Variants in PCDH15 observed in about 807,000 individuals in gnomAD.
PCDH15 encodes protocadherin-15.
A neutral mutation model predicts 178.5 loss-of-function variants in PCDH15; 129 were observed. That is an observed-to-expected ratio of 0.72 (90% CI 0.63 to 0.84). PCDH15 has a LOEUF of 0.84. Ranked by LOEUF, PCDH15 falls within the 40% of genes least tolerant of loss-of-function variation. The pLI is 0.00. For missense variants in PCDH15, 2,230 were observed against 2,099.9 expected, an observed-to-expected ratio of 1.06 and a Z score of -1.21; for synonymous variants, 800 against 732.0, an observed-to-expected ratio of 1.09 and a Z score of -1.50.
At chr10:55,566,249 T>G (rs993073707) in intron 2 of PCDH15, among the ~76,000 whole-genome samples, 1 of 151,596 alleles carries the variant, frequency 6.6e-6, no homozygotes, top group Non-Finnish European at 1.5e-5. Context: ...TTGGCAAAAT[T>G]TTATACCCTT....
chr10:54,873,508 T>C (rs1029569549), intron 3 of PCDH15, among the ~76,000 whole-genome samples: 6 of 147,894 alleles, frequency 4.1e-5, no homozygotes, highest in Non-Finnish European at 7.4e-5. Flanking sequence ...TGTATGTATA[T>C]ATATAATGTA....
chr10:54,075,758 A>G (rs957665738), intron 17 of PCDH15, among the ~76,000 whole-genome samples: 1 of 152,166 alleles, frequency 6.6e-6, no homozygotes, highest in African/African-American at 2.4e-5. Context: ...TATCTGACCA[A>G]TTAAGTGAAA....
intron 2 of PCDH15, among the ~76,000 whole-genome samples, chr10:55,627,110 C>T (rs1213533261): frequency 1.3e-5 from 2 of 152,000 alleles, no homozygotes; most frequent in Non-Finnish European, 2.9e-5. Flanking sequence ...TGATATCCTC[C>T]AACTTAAAAG....
In PCDH15 at chr10:54,004,594, A is replaced by G. The variant is rs145744842; in HGVS notation, c.2752-8829T>C. ...ATTAAAATAAAATACCTAGGAATTA[A>G]CCAAGGAAGTGAAAGTTCTCTGCAA... On this transcript the variant is annotated intron_variant, in intron 20 of 37. Coordinates refer to ENST00000644397, the MANE Select transcript of PCDH15 (RefSeq NM_001384140.1). Among the ~76,000 whole-genome samples the G allele has an allele frequency of 4.9e-3, 747 of 152,214 alleles. 2 individuals carry two copies. The highest frequency in any genetic ancestry group is 7.5e-3 in the Non-Finnish European group (511 of 67,982).
At chr10:55,258,348 G>A (rs2132232134) in intron 1 of PCDH15, among the ~76,000 whole-genome samples, 1 of 152,258 alleles carries the variant, frequency 6.6e-6, no homozygotes, top group African/African-American at 2.4e-5. Flanking sequence ...CTACCCTAAT[G>A]GAAGAATCAT....
At chr10:55,353,528 T>C (rs1276783220) in intron 2 of PCDH15, among the ~76,000 whole-genome samples, 2 of 152,248 alleles carry the variant, frequency 1.3e-5, no homozygotes, top group East Asian at 3.9e-4. Context: ...CTGATATTCC[T>C]ACCTTAAAGG....
chr10:55,461,039 T>C (rs7081402), intron 2 of PCDH15, among the ~76,000 whole-genome samples: 116,419 of 152,074 alleles, frequency 0.77, 45,929 homozygotes, highest in East Asian at 0.99. Context: ...CAGGCACTAT[T>C]CTCAGCCCTG....
intron 2 of PCDH15, among the ~76,000 whole-genome samples, chr10:55,420,561 G>C (rs11593895): frequency 0.2 from 30,176 of 151,444 alleles, 3,980 homozygotes; most frequent in Non-Finnish European, 0.29. Flanking sequence ...GAATCACTTT[G>C]CTATTTTGCT....
intron 1 of PCDH15, among the ~76,000 whole-genome samples, chr10:54,738,083 T>A (rs1249678114): frequency 6.6e-6 from 1 of 152,040 alleles, no homozygotes; most frequent in East Asian, 1.9e-4. Context: ...ACTCTTTGAC[T>A]TGAGCCACAT....
chr10:55,241,687 T>A (rs1186117508), intron 1 of PCDH15, among the ~76,000 whole-genome samples: 1 of 152,146 alleles, frequency 6.6e-6, no homozygotes, highest in Non-Finnish European at 1.5e-5. Flanking sequence ...CCTCCCAAAG[T>A]TCTGGGATTG....
chr10:54,826,628 T>C (rs1953136621), intron 3 of PCDH15, among the ~76,000 whole-genome samples: 1 of 151,938 alleles, frequency 6.6e-6, no homozygotes, highest in Non-Finnish European at 1.5e-5. Context: ...AAAATTGCTG[T>C]GTTGTGGTAA....
chr10:55,378,411 G>A (rs1295756156), intron 2 of PCDH15, among the ~76,000 whole-genome samples: 1 of 152,000 alleles, frequency 6.6e-6, no homozygotes, highest in Admixed American at 6.6e-5. Flanking sequence ...GGAATTTGGT[G>A]CTATTCTCAT....
intron 16 of PCDH15, 93 bp downstream of exon 16, chr10:54,089,891 A>G (rs549016520): frequency 2.1e-6 from 2 of 968,046 alleles, no homozygotes; most frequent in East Asian, 4.9e-5. Context: ...GTACAACTAC[A>G]AACAGCTGAA....
At chr10:54,533,138 C>A (rs2084106059) in intron 2 of PCDH15, among the ~76,000 whole-genome samples, 1 of 152,028 alleles carries the variant, frequency 6.6e-6, no homozygotes, top group Admixed American at 6.6e-5. Flanking sequence ...AATTTTTGGT[C>A]TTTATTTAGA....
At chr10:54,157,791 A>G (rs1166464997) in intron 13 of PCDH15, among the ~76,000 whole-genome samples, 1 of 152,200 alleles carries the variant, frequency 6.6e-6, no homozygotes, top group East Asian at 1.9e-4. Flanking sequence ...AAGACACCTC[A>G]TGAATGTTTT....
intron 20 of PCDH15, among the ~76,000 whole-genome samples, chr10:54,019,561 A>G (rs11598589): frequency 0.18 from 27,104 of 152,022 alleles, 2,876 homozygotes; most frequent in Non-Finnish European, 0.24. Context: ...TTCTTCTCAT[A>G]TCTACTTTTG....
chr10:55,545,014 T>C (rs886618779), intron 2 of PCDH15, among the ~76,000 whole-genome samples: 2 of 152,134 alleles, frequency 1.3e-5, no homozygotes, highest in Non-Finnish European at 2.9e-5. Flanking sequence ...TTATAGGTAG[T>C]ATACTTTTTT....
chr10:55,262,311 C>T (rs2132236378), intron 1 of PCDH15, among the ~76,000 whole-genome samples: 1 of 149,840 alleles, frequency 6.7e-6, no homozygotes, highest in East Asian at 2.1e-4. Context: ...TTGGTGAGGG[C>T]TTCACACCTG....
Position 54,083,536 on chromosome 10 carries a change from C to T in PCDH15, c.1998-4112G>A, listed in dbSNP as rs148691882. On this transcript the variant is annotated intron_variant, in intron 16 of 37. Transcript: ENST00000644397. ...AAAAGAAGCTAGACACAAATAGTCA[C>T]ACATTGCATGATTCCATTTCTGTAG... 5.4e-3 allele frequency among the ~76,000 whole-genome samples: 821 copies of T among 152,262 alleles called. 4 individuals carry two copies. Among genetic ancestry groups the T allele is most frequent in the African/African-American group, 0.015 (619 of 41,542 alleles).
Sources: allele counts gnomAD v4.1 joint callset (sites outside exome capture counted in the v4.1 genomes callset), GRCh38; gene constraint gnomAD v4.1.1; transcripts MANE v1.5; gene names NCBI Gene and HGNC (gene_info 2026-07-23, HGNC 2026-07-21).